The following NPAS3 variants were observed in gnomAD, a reference collection of about 807,000 sequenced individuals.
NPAS3 encodes neuronal PAS domain-containing protein 3.
Under a neutral mutation model 73.1 loss-of-function variants are expected in NPAS3, and 14 were observed. The observed-to-expected ratio is 0.19, with a 90% CI of 0.13 to 0.30. The LOEUF (loss-of-function observed/expected upper bound fraction) is 0.30. Ranked by LOEUF, NPAS3 falls within the 10% of genes least tolerant of loss-of-function variation. NPAS3 has a pLI of 1.00. For missense variants in NPAS3, 1,096 were observed against 1,250.0 expected (o/e 0.88, Z 1.86); for synonymous variants, 620 against 541.5 (o/e 1.14, Z -2.01).
chr14:33,786,536 T>C, intron 9 of NPAS3, among the ~76,000 whole-genome samples: 1 of 152,222 alleles, frequency 6.6e-6, no homozygotes, highest in East Asian at 1.9e-4. Context: ...GATTAACTGC[T>C]TCAGTACTTG....
intron 4 of NPAS3, among the ~76,000 whole-genome samples, chr14:33,520,415 C>A (rs376291595): frequency 3.4e-4 from 52 of 151,702 alleles, no homozygotes; most frequent in African/African-American, 1.3e-3. Flanking sequence ...GGTTTGTTTT[C>A]TTTTTTTTAA....
intron 4 of NPAS3, among the ~76,000 whole-genome samples, chr14:33,429,024 G>GA (rs1346565423): frequency 6.6e-6 from 1 of 152,080 alleles, no homozygotes; most frequent in Admixed American, 6.6e-5. Context: ...GTTTGTTGGA[G>GA]AAACTACAGA....
chr14:32,940,237 A>G (rs1035508529), intron 1 of NPAS3, among the ~76,000 whole-genome samples: 1 of 152,210 alleles, frequency 6.6e-6, no homozygotes, highest in Non-Finnish European at 1.5e-5. Flanking sequence ...GGCTCAGTCG[A>G]GCATGTCTAT....
intron 5 of NPAS3, among the ~76,000 whole-genome samples, chr14:33,659,338 G>A (rs1361889590): frequency 2.0e-5 from 3 of 152,130 alleles, no homozygotes; most frequent in African/African-American, 4.8e-5. Context: ...CAAGCCATTT[G>A]CCTCTAGAGT....
intron 2 of NPAS3, among the ~76,000 whole-genome samples, chr14:33,097,128 A>G (rs774175773): frequency 1.3e-5 from 2 of 152,128 alleles, no homozygotes; most frequent in Non-Finnish European, 2.9e-5. Context: ...CTGTAATCCC[A>G]GCACTTTGAG....
intron 6 of NPAS3, among the ~76,000 whole-genome samples, chr14:33,711,918 G>A (rs1595484159): frequency 1.3e-5 from 2 of 152,216 alleles, no homozygotes; most frequent in South Asian, 4.2e-4. Flanking sequence ...CCAGGGAGAA[G>A]TAACAGTCTG....
At chr14:33,324,414 T>C (rs1044048653) in intron 3 of NPAS3, among the ~76,000 whole-genome samples, 3 of 152,210 alleles carry the variant, frequency 2.0e-5, no homozygotes, top group Non-Finnish European at 4.4e-5. Context: ...GAAAGTTAAA[T>C]TGACTTTTCA....
intron 3 of NPAS3, among the ~76,000 whole-genome samples, chr14:33,328,476 T>C (rs1200241870): frequency 1.9e-5 from 1 of 52,862 alleles, no homozygotes; most frequent in East Asian, 5.9e-4. Context: ...TTTTTTTTTT[T>C]TTTTTTTTGA....
At chr14:33,695,061 C>T (rs2060338461) in intron 6 of NPAS3, among the ~76,000 whole-genome samples, 4 of 152,162 alleles carry the variant, frequency 2.6e-5, no homozygotes. Context: ...AACTGAAGTA[C>T]CTCCACATCA....
At chr14:33,049,330 G>A (rs57222368) in intron 1 of NPAS3, among the ~76,000 whole-genome samples, 4,653 of 152,136 alleles carry the variant, frequency 0.031, 226 homozygotes, top group African/African-American at 0.11. Flanking sequence ...CTCCCTATCC[G>A]ATGTCTATAT....
At chr14:33,481,566 C>A (rs900417584) in intron 4 of NPAS3, among the ~76,000 whole-genome samples, 2 of 152,124 alleles carry the variant, frequency 1.3e-5, no homozygotes, top group African/African-American at 4.8e-5. Context: ...CATTTACTGA[C>A]ATGGATTTGA....
chr14:33,489,056 G>T (rs959123012), intron 4 of NPAS3, among the ~76,000 whole-genome samples: 5 of 152,140 alleles, frequency 3.3e-5, no homozygotes, highest in Non-Finnish European at 5.9e-5. Context: ...ATTTAGCTTT[G>T]AGTACACCAG....
upstream of NPAS3, among the ~76,000 whole-genome samples, chr14:32,936,985 C>T (rs2035716493): frequency 7.0e-6 from 1 of 142,786 alleles, no homozygotes; most frequent in African/African-American, 2.6e-5. Context: ...GTGTATTATT[C>T]CCTCCTTCGA....
chr14:32,983,992 G>T (rs1366384917), intron 1 of NPAS3, among the ~76,000 whole-genome samples: 1 of 152,188 alleles, frequency 6.6e-6, no homozygotes, highest in Non-Finnish European at 1.5e-5. Flanking sequence ...AAAGTGCTGG[G>T]ATTACAGGTG....
At chr14:33,295,543 C>T (rs949123975) in intron 3 of NPAS3, among the ~76,000 whole-genome samples, 4 of 152,304 alleles carry the variant, frequency 2.6e-5, no homozygotes, top group South Asian at 2.1e-4. Flanking sequence ...CAAGGAAGAG[C>T]TGCTTATTGC....
chr14:33,352,389 G>T (rs2045109991), intron 3 of NPAS3, among the ~76,000 whole-genome samples: 1 of 152,190 alleles, frequency 6.6e-6, no homozygotes, highest in African/African-American at 2.4e-5. Flanking sequence ...GCTACAGAGA[G>T]ATTAAAAATT....
At chr14:33,127,091 G>GA (rs35090984) in intron 2 of NPAS3, among the ~76,000 whole-genome samples, 38,252 of 145,502 alleles carry the variant, frequency 0.26, 5,170 homozygotes, top group Middle Eastern at 0.41. Context: ...CCCTGCTTTT[G>GA]AAAAAAAAAA....
intron 4 of NPAS3, among the ~76,000 whole-genome samples, chr14:33,376,722 C>T (rs1377148675): frequency 1.3e-5 from 2 of 152,146 alleles, no homozygotes; most frequent in African/African-American, 4.8e-5. Context: ...GTTTATATCC[C>T]CAGTTGTTCA....
chr14:33,621,660 C>A (rs147588164), intron 5 of NPAS3, among the ~76,000 whole-genome samples: 1 of 152,126 alleles, frequency 6.6e-6, no homozygotes, highest in East Asian at 1.9e-4. Flanking sequence ...CTGTAGATTA[C>A]GTCAAAGTGA....
Sources: allele counts gnomAD v4.1 joint callset (sites outside exome capture counted in the v4.1 genomes callset), GRCh38; gene constraint gnomAD v4.1.1; transcripts MANE v1.5; gene names NCBI Gene and HGNC (gene_info 2026-07-23, HGNC 2026-07-21).